MYO9A: variants seen among roughly 807,000 people sequenced by gnomAD.
MYO9A encodes the protein myosin IXA, also known as unconventional myosin-IXa.
MYO9A carries 103 observed loss-of-function variants against 293.3 expected under a neutral mutation model. That is an observed-to-expected ratio of 0.35 (90% CI 0.30 to 0.41). The LOEUF (loss-of-function observed/expected upper bound fraction) is 0.41, where lower values mean the gene tolerates loss of function less well. MYO9A is among the 10% of genes least tolerant of loss of function. The pLI, the probability that MYO9A is intolerant of heterozygous loss-of-function variation, is 1.00. For missense variants in MYO9A, 2,685 were observed against 3,033.0 expected (o/e 0.89, Z 2.69); for synonymous variants, 1,001 against 1,035.7 (o/e 0.97, Z 0.64).
At chr15:72,038,981 AGAT>A (rs1463987482) in intron 2 of MYO9A, among the ~76,000 whole-genome samples, 2 of 152,114 alleles carry the variant, frequency 1.3e-5, no homozygotes, top group African/African-American at 4.8e-5. Context: ...AGATATAAGT[AGAT>A]ATATATCTAT....
intron 18 of MYO9A, among the ~76,000 whole-genome samples, chr15:71,925,646 A>G (rs2058291491): frequency 1.3e-5 from 2 of 152,294 alleles, no homozygotes; most frequent in African/African-American, 4.8e-5. Flanking sequence ...ACAACTTTGC[A>G]TACAAATACG....
chr15:72,061,277 G>GT (rs2078870414), intron 1 of MYO9A, among the ~76,000 whole-genome samples: 1 of 152,174 alleles, frequency 6.6e-6, no homozygotes, highest in South Asian at 2.1e-4. Flanking sequence ...GGTGGCCACC[G>GT]TGAGAGACTC....
intron 5 of MYO9A, among the ~76,000 whole-genome samples, chr15:72,019,990 G>A (rs754874301): frequency 1.6e-4 from 25 of 152,292 alleles, no homozygotes; most frequent in Admixed American, 3.9e-4. Context: ...GACCTCAGGT[G>A]ATTCAACTGC....
At chr15:72,078,254 A>G (rs1187567640) in intron 1 of MYO9A, among the ~76,000 whole-genome samples, 1 of 152,050 alleles carries the variant, frequency 6.6e-6, no homozygotes, top group Non-Finnish European at 1.5e-5. Context: ...AGCACTTTGG[A>G]AGGCTGAGGT....
At chr15:71,844,777 A>C (rs2055312291) in intron 39 of MYO9A, among the ~76,000 whole-genome samples, 1 of 152,166 alleles carries the variant, frequency 6.6e-6, no homozygotes, top group African/African-American at 2.4e-5. Context: ...AAGTAAGCCT[A>C]AACAGTAAAA....
At chr15:72,055,791 T>TA (rs540665434) in intron 1 of MYO9A, among the ~76,000 whole-genome samples, 4 of 151,848 alleles carry the variant, frequency 2.6e-5, no homozygotes, top group South Asian at 4.2e-4. Context: ...AGAATGGCCA[T>TA]AAAAAAAATC....
At position 71,859,805 on chromosome 15, in the gene MYO9A, T is replaced by C. The variant is rs548829219; in HGVS notation, c.6092-9A>G. The C allele has an allele frequency of 1.9e-6, 3 of 1,612,136 alleles. No individual in the cohort carries two copies. Among genetic ancestry groups the C allele is most frequent in the African/African-American group, 1.3e-5 (1 of 74,982 alleles). ...GCAAGCATACTTGCATACTGAAAAA[T>C]AGGTGAGGAATGCAACATTTTTAGA... On this transcript the variant is annotated splice_polypyrimidine_tract_variant and intron_variant, in intron 33 of 41. Coordinates refer to ENST00000356056, the MANE Select transcript of MYO9A (RefSeq NM_006901.4).
rs1469923469 is a variant in MYO9A at position 71,826,785 on chromosome 15, A to AGGAATTT, written c.7435_7441dup (p.Leu2481GlnfsTer66). 3 of 1,614,026 alleles carry AGGAATTT rather than the reference A, an allele frequency of 1.9e-6. No homozygotes were observed. The African/African-American group carries it at 4.0e-5, about 22-fold the overall frequency. ...GCTGATGAACTGAGGCTTGTCTTCC[A>AGGAATTT]GGAATTTGGTCTGGCCCAATGGTCC... On this transcript the variant is annotated frameshift_variant, in exon 42 of 42. Transcript: ENST00000356056. LOFTEE classifies it high-confidence loss of function.
At chr15:71,956,859 A>AC (rs1231223474) in intron 14 of MYO9A, among the ~76,000 whole-genome samples, 9,783 of 88,728 alleles carry the variant, frequency 0.11, 331 homozygotes, top group Middle Eastern at 0.17. Context: ...ACACACACAC[A>AC]AATATATATA....
At chr15:71,921,292 G>A (rs924286175) in intron 18 of MYO9A, among the ~76,000 whole-genome samples, 2 of 152,174 alleles carry the variant, frequency 1.3e-5, no homozygotes, top group African/African-American at 2.4e-5. Context: ...AGCAAACTAG[G>A]CTAACTTGTT....
intron 27 of MYO9A, among the ~76,000 whole-genome samples, chr15:71,885,423 T>C (rs761402422): frequency 2.6e-4 from 39 of 152,146 alleles, no homozygotes; most frequent in Non-Finnish European, 5.4e-4. Flanking sequence ...CACTTTTCTA[T>C]ATACAATTCA....
In MYO9A at chr15:71,916,486, G is replaced by A. The variant is rs1244948269; in HGVS notation, c.2569C>T (p.Leu857=). 3 of 1,602,098 alleles carry A rather than the reference G, an allele frequency of 1.9e-6. No individual in the cohort carries two copies. The highest frequency in any genetic ancestry group is 3.5e-5 in the Admixed American group (2 of 56,866). The change falls in exon 19 of 42, where the codon CTA becomes TTA. Residue 857 remains leucine, a synonymous_variant. Coordinates refer to ENST00000356056, the MANE Select transcript of MYO9A (RefSeq NM_006901.4). ...AGGTGCTTTAAAGAATTTACTTCTA[G>A]CAAGTGCTGAAAGAAGAGAAAAAAT... ...KSKPALPKHL[L]EVNSLKHLTR...
chr15:71,931,522 T>C (rs2058475723), intron 18 of MYO9A, among the ~76,000 whole-genome samples: 1 of 152,186 alleles, frequency 6.6e-6, no homozygotes, highest in African/African-American at 2.4e-5. Flanking sequence ...TTTTAAAAAA[T>C]ACTCTGTCTT....
chr15:72,108,019 T>C (rs1221933924), intron 1 of MYO9A, among the ~76,000 whole-genome samples: 8 of 152,034 alleles, frequency 5.3e-5, no homozygotes, highest in Admixed American at 3.3e-4. Flanking sequence ...AACTAATAAA[T>C]GAAAAAGAAT....
chr15:71,991,653 C>T (rs1490959856), intron 10 of MYO9A, among the ~76,000 whole-genome samples: 1 of 152,174 alleles, frequency 6.6e-6, no homozygotes, highest in East Asian at 1.9e-4. Flanking sequence ...TTTCCTATTT[C>T]GACTTCTACA....
At chr15:71,951,726 C>T (rs1375210562) in intron 15 of MYO9A, 51 bp downstream of exon 15, 16 of 1,610,742 alleles carry the variant, frequency 9.9e-6, no homozygotes, top group Non-Finnish European at 1.3e-5. Flanking sequence ...CTCCTGGTTT[C>T]CATTTCCAAA....
intron 39 of MYO9A, among the ~76,000 whole-genome samples, 179 bp downstream of exon 39, chr15:71,848,666 T>TAA (rs2055497483): frequency 6.6e-6 from 1 of 152,200 alleles, no homozygotes; most frequent in African/African-American, 2.4e-5. Flanking sequence ...TTCTATAATG[T>TAA]AACTAAAGAG....
intron 11 of MYO9A, among the ~76,000 whole-genome samples, chr15:71,978,651 A>G (rs1428907675): frequency 2.0e-5 from 3 of 152,152 alleles, no homozygotes; most frequent in African/African-American, 7.2e-5. Flanking sequence ...AAAAAGCACT[A>G]TATTTCCTGG....
rs187218014 is a variant in MYO9A at position 71,826,142 on chromosome 15, A to C, written c.*438T>G. The stretch of plus-strand genomic sequence containing the variant: ...AAAATTATATTCTACCCTAGCTCCT[A>C]ACTATCCCAAAATAAACCCAAAGGC... On this transcript the variant is annotated 3_prime_UTR_variant, in exon 42 of 42. Transcript: ENST00000356056. 3 of 154,802 alleles carry C rather than the reference A, an allele frequency of 1.9e-5. No homozygotes were observed. The Admixed American group carries it at 1.9e-4, about 10-fold the overall frequency. The allele number at this position is 154,802 out of a possible 1,614,324, so 9.6% of individuals were successfully genotyped here.
Sources: allele counts gnomAD v4.1 joint callset (sites outside exome capture counted in the v4.1 genomes callset), GRCh38; gene constraint gnomAD v4.1.1; transcripts MANE v1.5; gene names NCBI Gene and HGNC (gene_info 2026-07-23, HGNC 2026-07-21).